RASAL2: variants seen among roughly 807,000 people sequenced by gnomAD.
RASAL2 encodes ras GTPase-activating protein nGAP.
A neutral mutation model predicts 128.9 loss-of-function variants in RASAL2; 58 were observed. That is an observed-to-expected ratio of 0.45 (90% CI 0.36 to 0.56). The LOEUF is 0.56. RASAL2 is among the 20% of genes least tolerant of loss of function. The pLI, the probability that RASAL2 is intolerant of heterozygous loss-of-function variation, is 0.00. For synonymous variants in RASAL2, 561 were observed against 580.8 expected (o/e 0.97, Z 0.49); for missense variants, 1,360 against 1,601.6 (o/e 0.85, Z 2.57).
Position 178,476,521 on chromosome 1 carries a change from G to A in RASAL2, c.*3282G>A, listed in dbSNP as rs1179232559. On this transcript the variant is annotated 3_prime_UTR_variant, in exon 18 of 18. Transcript: ENST00000367649. The stretch of plus-strand genomic sequence containing the variant: ...GGCAGTCTAACGGTAAGAAAAATGT[G>A]GTAAAATGAGGTAATCATGCTGCTA... 1 of 152,086 alleles carries A rather than the reference G, an allele frequency of 6.6e-6. No individual in the cohort carries two copies. The highest frequency in any genetic ancestry group is 6.6e-5 in the Admixed American group (1 of 15,254). The allele number at this position is 152,086 out of a possible 1,614,324, so 9.4% of individuals were successfully genotyped here. A position where few individuals can be genotyped will look rare whatever the true frequency, so the allele number is the denominator to read the frequency against.
chr1:178,189,063 G>C (rs1225489841), intron 1 of RASAL2, among the ~76,000 whole-genome samples: 2 of 152,078 alleles, frequency 1.3e-5, no homozygotes, highest in Non-Finnish European at 2.9e-5. Context: ...TGTTACCTGT[G>C]TAAATCTGGA....
intron 1 of RASAL2, among the ~76,000 whole-genome samples, chr1:178,232,563 T>A (rs1352560597): frequency 1.3e-5 from 2 of 152,200 alleles, no homozygotes; most frequent in Non-Finnish European, 2.9e-5. Context: ...TTCCTATTTA[T>A]GCTTTTTAAA....
intron 3 of RASAL2, among the ~76,000 whole-genome samples, chr1:178,357,793 A>G (rs532144866): frequency 6.6e-6 from 1 of 152,264 alleles, no homozygotes; most frequent in South Asian, 2.1e-4. Context: ...TGTAAATATT[A>G]TATTACTCAT....
At chr1:178,238,223 C>T (rs1664341330) in intron 1 of RASAL2, among the ~76,000 whole-genome samples, 2 of 152,146 alleles carry the variant, frequency 1.3e-5, no homozygotes, top group Admixed American at 1.3e-4. Context: ...ATAATGGTTT[C>T]ATGGCTCCTC....
At chr1:178,426,029 C>CT in intron 5 of RASAL2, among the ~76,000 whole-genome samples, 1 of 152,288 alleles carries the variant, frequency 6.6e-6, no homozygotes, top group Admixed American at 6.5e-5. Context: ...AGACTTACCC[C>CT]TGTCACATAG....
chr1:178,317,456 G>C (rs1428333735), intron 3 of RASAL2, among the ~76,000 whole-genome samples: 5 of 148,544 alleles, frequency 3.4e-5, no homozygotes, highest in South Asian at 2.1e-4. Flanking sequence ...ATTGATTATT[G>C]CCACAATTTC....
At chr1:178,390,644 G>T (rs1358305942) in intron 4 of RASAL2, among the ~76,000 whole-genome samples, 1 of 152,124 alleles carries the variant, frequency 6.6e-6, no homozygotes, top group Non-Finnish European at 1.5e-5. Context: ...CTCCCAAAGT[G>T]TTGGGATTAC....
At chr1:178,205,979 G>C (rs1663030823) in intron 1 of RASAL2, among the ~76,000 whole-genome samples, 1 of 152,094 alleles carries the variant, frequency 6.6e-6, no homozygotes, top group Non-Finnish European at 1.5e-5. Context: ...TCCTCTCCTT[G>C]AAATTCTTTT....
chr1:178,463,983 T>A (rs1051177621), intron 14 of RASAL2, among the ~76,000 whole-genome samples: 1 of 152,216 alleles, frequency 6.6e-6, no homozygotes, highest in African/African-American at 2.4e-5. Context: ...TACCAGTATT[T>A]GGACCACTGG....
intron 3 of RASAL2, among the ~76,000 whole-genome samples, chr1:178,314,803 T>C (rs995832737): frequency 1.3e-5 from 2 of 152,116 alleles, no homozygotes; most frequent in African/African-American, 4.8e-5. Flanking sequence ...TTATTTTTTA[T>C]TATACTTTAA....
intron 1 of RASAL2, among the ~76,000 whole-genome samples, chr1:178,228,015 G>C (rs1663855977): frequency 6.6e-6 from 1 of 152,172 alleles, no homozygotes; most frequent in Admixed American, 6.5e-5. Context: ...TTGTTTTAAA[G>C]TTAGATTAAG....
At chr1:178,280,872 A>G (rs562846939) in intron 1 of RASAL2, among the ~76,000 whole-genome samples, 8 of 152,182 alleles carry the variant, frequency 5.3e-5, no homozygotes, top group East Asian at 1.9e-4. Context: ...AGAGCAAAAA[A>G]TAAGATAGGA....
intron 1 of RASAL2, among the ~76,000 whole-genome samples, chr1:178,218,676 G>A (rs1663511278): frequency 6.6e-6 from 1 of 152,158 alleles, no homozygotes; most frequent in Admixed American, 6.5e-5. Context: ...ACAAGAGCGA[G>A]ACTCCGTCTC....
chr1:178,225,790 A>G (rs569521409), intron 1 of RASAL2, among the ~76,000 whole-genome samples: 3 of 151,952 alleles, frequency 2.0e-5, no homozygotes, highest in Admixed American at 2.0e-4. Context: ...TATCCTGTAT[A>G]TATGTATATG....
intron 1 of RASAL2, among the ~76,000 whole-genome samples, chr1:178,127,153 A>G (rs905785109): frequency 9.9e-5 from 15 of 152,202 alleles, no homozygotes; most frequent in Non-Finnish European, 1.9e-4. Flanking sequence ...GTCACAGTAT[A>G]GTGGCTTGAA....
At chr1:178,173,870 G>A (rs115811220) in intron 1 of RASAL2, among the ~76,000 whole-genome samples, 2,731 of 150,756 alleles carry the variant, frequency 0.018, 75 homozygotes, top group African/African-American at 0.06. Flanking sequence ...GTTGGGTAAA[G>A]CTTTCCAGGA....
intron 1 of RASAL2, among the ~76,000 whole-genome samples, chr1:178,096,364 A>G (rs1232141805): frequency 6.6e-6 from 1 of 152,126 alleles, no homozygotes; most frequent in Non-Finnish European, 1.5e-5. Context: ...ACCTAGTGTT[A>G]ACTATCGTTC....
At chr1:178,450,144 C>T (rs1213614968) in intron 9 of RASAL2, among the ~76,000 whole-genome samples, 2 of 152,084 alleles carry the variant, frequency 1.3e-5, no homozygotes, top group African/African-American at 4.8e-5. Flanking sequence ...GGCCATTTCA[C>T]CTGACAAAAA....
intron 3 of RASAL2, among the ~76,000 whole-genome samples, chr1:178,372,701 T>C (rs1385441930): frequency 6.6e-6 from 1 of 152,138 alleles, no homozygotes; most frequent in Non-Finnish European, 1.5e-5. Flanking sequence ...GGAGTAGGCT[T>C]TGTGTGCATG....
Sources: allele counts gnomAD v4.1 joint callset (sites outside exome capture counted in the v4.1 genomes callset), GRCh38; gene constraint gnomAD v4.1.1; transcripts MANE v1.5; gene names NCBI Gene and HGNC (gene_info 2026-07-23, HGNC 2026-07-21).